ARHGAP24: variants seen among roughly 807,000 people sequenced by gnomAD.
The protein encoded by ARHGAP24 is Rho GTPase activating protein 24, also known as rho GTPase-activating protein 24.
Under a neutral mutation model 76.4 loss-of-function variants are expected in ARHGAP24, and 50 were observed. The ratio of observed to expected loss-of-function variants is 0.65; its 90% CI spans 0.52 to 0.83. The LOEUF (loss-of-function observed/expected upper bound fraction) is 0.83. ARHGAP24 is among the 40% of genes least tolerant of loss of function. The pLI is 0.00. For synonymous variants in ARHGAP24, 345 were observed against 323.3 expected (o/e 1.07, Z -0.72); for missense variants, 930 against 914.2 (o/e 1.02, Z -0.22).
At chr4:85,492,638 T>G (rs1723404772) in intron 1 of ARHGAP24, among the ~76,000 whole-genome samples, 1 of 152,234 alleles carries the variant, frequency 6.6e-6, no homozygotes, top group African/African-American at 2.4e-5. Context: ...TTATTGCTAC[T>G]GAGATTTACT....
chr4:85,817,660 T>C (rs987149720), intron 3 of ARHGAP24, among the ~76,000 whole-genome samples: 10 of 152,226 alleles, frequency 6.6e-5, no homozygotes, highest in Non-Finnish European at 1.3e-4. Context: ...GATTGTATTA[T>C]GAAAACTAAG....
intron 1 of ARHGAP24, among the ~76,000 whole-genome samples, chr4:85,546,418 T>C (rs564444504): frequency 6.6e-6 from 1 of 152,336 alleles, no homozygotes; most frequent in East Asian, 1.9e-4. Context: ...ACTGCCCTTT[T>C]ACCTCTATGA....
chr4:85,785,540 A>AT (rs75874523), intron 3 of ARHGAP24, among the ~76,000 whole-genome samples: 140,425 of 151,946 alleles, frequency 0.92, 65,156 homozygotes, highest in Non-Finnish European at 0.97. Flanking sequence ...AGTAAAACAG[A>AT]TTTTTTTTCT....
intron 3 of ARHGAP24, among the ~76,000 whole-genome samples, chr4:85,855,536 G>C (rs1731503954): frequency 6.6e-6 from 1 of 151,800 alleles, no homozygotes; most frequent in Non-Finnish European, 1.5e-5. Flanking sequence ...GTGAAACCCT[G>C]TCTCTACTAA....
At chr4:85,591,570 G>A (rs1728110830) in intron 2 of ARHGAP24, among the ~76,000 whole-genome samples, 3 of 152,112 alleles carry the variant, frequency 2.0e-5, no homozygotes, top group Non-Finnish European at 1.5e-5. Context: ...TTAGTTACAA[G>A]TCACAGTCAT....
intron 1 of ARHGAP24, among the ~76,000 whole-genome samples, chr4:85,515,249 A>C: frequency 6.6e-6 from 1 of 152,088 alleles, no homozygotes; most frequent in Admixed American, 6.5e-5. Context: ...ATTTAACTTT[A>C]TTTTCTGAAT....
In ARHGAP24 at chr4:85,689,004, T is replaced by C. The variant is rs547895825; in HGVS notation, c.181-32881T>C. On this transcript the variant is annotated intron_variant, in intron 2 of 9. Transcript: ENST00000395184. ...TATGATGCCTTTGGCTTTGTTACTTTTGCTTAGGATTGCTTTGGCTATTTG... is the reference window on the plus strand; with the variant it reads ...TATGATGCCTTTGGCTTTGTTACTTCTGCTTAGGATTGCTTTGGCTATTTG... Among the ~76,000 whole-genome samples the C allele has an allele frequency of 4.6e-5, 7 of 152,332 alleles. No individual in the cohort carries two copies. In the South Asian group the frequency reaches 8.3e-4, roughly 18 times the overall value.
intron 2 of ARHGAP24, among the ~76,000 whole-genome samples, chr4:85,585,303 A>G (rs1727808766): frequency 6.6e-6 from 1 of 152,264 alleles, no homozygotes; most frequent in Non-Finnish European, 1.5e-5. Flanking sequence ...TTGTGACTAA[A>G]TTATGGTACA....
intron 3 of ARHGAP24, among the ~76,000 whole-genome samples, chr4:85,913,114 G>C (rs1578380057): frequency 6.6e-6 from 1 of 151,714 alleles, no homozygotes; most frequent in East Asian, 1.9e-4. Context: ...AAACCTCCTT[G>C]TACCACAACT....
chr4:85,643,358 A>C lies in ARHGAP24; in HGVS notation c.180+72637A>C, dbSNP rs2109972749. 1.8e-5 allele frequency among the ~76,000 whole-genome samples: 2 copies of C among 108,908 alleles called. 1 individual carries two copies. The highest frequency in any genetic ancestry group is 8.8e-4 in the South Asian group (2 of 2,280). 71.4% of individuals were successfully genotyped at this position (108,908 alleles called of 152,430 possible). On this transcript the variant is annotated intron_variant, in intron 2 of 9. Coordinates refer to ENST00000395184, the MANE Select transcript of ARHGAP24 (RefSeq NM_001025616.3). Reference sequence around the variant, plus strand: ...ACTGCAAGCTCCGCTTCCCGGGTTCACGCCATTCTCCTGCCTCAGCCTCCC... The same window carrying C: ...ACTGCAAGCTCCGCTTCCCGGGTTCCCGCCATTCTCCTGCCTCAGCCTCCC...
At position 85,928,213 on chromosome 4, in the gene ARHGAP24, T is replaced by TTTCCTTCC. The variant is rs3840501; in HGVS notation, c.391+4460_391+4467dup. Among the ~76,000 whole-genome samples, 458 of 150,398 alleles carry TTTCCTTCC rather than the reference T, an allele frequency of 3.0e-3. 2 individuals carry two copies. Among genetic ancestry groups the TTTCCTTCC allele is most frequent in the African/African-American group, 7.9e-3 (323 of 40,898 alleles). Reference sequence around the variant, plus strand: ...TTATTTAGCTTTGGGAAGGTTTCGTTTTCCTTCCTTCCTTCCTTCCTTCCC... The same window carrying TTTCCTTCC: ...TTATTTAGCTTTGGGAAGGTTTCGTTTTCCTTCCTTCCTTCCTTCCTTCCTTCCTTCCC... On this transcript the variant is annotated intron_variant, in intron 4 of 9. Coordinates refer to ENST00000395184, the MANE Select transcript of ARHGAP24 (RefSeq NM_001025616.3).
intron 1 of ARHGAP24, among the ~76,000 whole-genome samples, chr4:85,509,294 A>C (rs1724187289): frequency 6.6e-6 from 1 of 151,728 alleles, no homozygotes; most frequent in Non-Finnish European, 1.5e-5. Context: ...ATGTATACAT[A>C]TGTAACTAAC....
chr4:85,924,545 AAATT>A (rs1182905625), intron 4 of ARHGAP24, among the ~76,000 whole-genome samples: 4 of 152,204 alleles, frequency 2.6e-5, no homozygotes, highest in Admixed American at 6.5e-5. Context: ...AGTTTAAAAT[AAATT>A]GTGTTAGGTC....
intron 1 of ARHGAP24, among the ~76,000 whole-genome samples, chr4:85,518,031 A>C (rs1444312716): frequency 6.6e-6 from 1 of 152,150 alleles, no homozygotes; most frequent in African/African-American, 2.4e-5. Flanking sequence ...TCACACAGAA[A>C]TCCTCAAAAT....
intron 2 of ARHGAP24, among the ~76,000 whole-genome samples, chr4:85,594,830 T>C (rs1246798439): frequency 6.6e-6 from 1 of 152,100 alleles, no homozygotes; most frequent in East Asian, 1.9e-4. Flanking sequence ...TTAAAATTTA[T>C]CTAACTACGT....
At chr4:85,674,468 A>G (rs1313921263) in intron 2 of ARHGAP24, among the ~76,000 whole-genome samples, 1 of 152,246 alleles carries the variant, frequency 6.6e-6, no homozygotes, top group Non-Finnish European at 1.5e-5. Context: ...TGGTGGCAAC[A>G]TCAATCTTTA....
intron 3 of ARHGAP24, among the ~76,000 whole-genome samples, chr4:85,833,558 G>A (rs1187027755): frequency 6.6e-6 from 1 of 152,148 alleles, no homozygotes; most frequent in Non-Finnish European, 1.5e-5. Context: ...TAGAGCATGT[G>A]CAGTGTTCTA....
chr4:85,572,314 A>C (rs781099488), intron 2 of ARHGAP24, among the ~76,000 whole-genome samples: 4 of 152,206 alleles, frequency 2.6e-5, no homozygotes, highest in Non-Finnish European at 4.4e-5. Flanking sequence ...GGAGGAACAC[A>C]GTGAATACTA....
intron 3 of ARHGAP24, among the ~76,000 whole-genome samples, chr4:85,876,186 T>A (rs1732926778): frequency 1.3e-5 from 2 of 152,304 alleles, no homozygotes; most frequent in Middle Eastern, 3.4e-3. Flanking sequence ...CAGGGCAATG[T>A]CTATCAACAA....
Sources: gnomAD v4.1 joint callset for allele counts (sites outside exome capture counted in the v4.1 genomes callset) on GRCh38, gnomAD v4.1.1 for gene constraint, MANE v1.5 for transcripts, NCBI Gene and HGNC (gene_info 2026-07-23, HGNC 2026-07-21) for gene names.